Variants in RHBDD1 observed in about 807,000 individuals in gnomAD.
RHBDD1 encodes the protein rhomboid domain containing 1, also known as rhomboid-related protein 4.
In RHBDD1, 38 loss-of-function variants were observed where a neutral mutation model predicts 36.3. The ratio of observed to expected loss-of-function variants is 1.05; its 90% CI spans 0.81 to 1.37. The LOEUF (loss-of-function observed/expected upper bound fraction) is 1.37. RHBDD1 is among the 40% of genes most tolerant of loss of function. The probability of loss-of-function intolerance (pLI) is 0.00; values close to 1 mark genes in which losing one functional copy is unlikely to be tolerated. For synonymous variants in RHBDD1, 151 were observed against 136.5 expected (o/e 1.11, Z -0.74); for missense variants, 393 against 377.6 (o/e 1.04, Z -0.34).
chr2:226,976,456 G>T (rs919125503), intron 8 of RHBDD1, among the ~76,000 whole-genome samples: 2 of 151,928 alleles, frequency 1.3e-5, no homozygotes, highest in Non-Finnish European at 2.9e-5. Context: ...AAATGTGTGA[G>T]CTTTACCCAC....
At chr2:226,959,961 T>C (rs934476945) in intron 8 of RHBDD1, among the ~76,000 whole-genome samples, 1 of 152,192 alleles carries the variant, frequency 6.6e-6, no homozygotes, top group Non-Finnish European at 1.5e-5. Flanking sequence ...TAGCTGGGAC[T>C]ACAGGCACCT....
intron 6 of RHBDD1, 168 bp from the exon 7 acceptor site, chr2:226,908,654 T>A: frequency 3.5e-6 from 2 of 577,630 alleles, no homozygotes; most frequent in Non-Finnish European, 6.3e-6. Flanking sequence ...CACACACTCT[T>A]TTCCAGTTAG....
chr2:226,877,032 C>T (rs1945293407), intron 5 of RHBDD1, among the ~76,000 whole-genome samples: 1 of 152,112 alleles, frequency 6.6e-6, no homozygotes, highest in African/African-American at 2.4e-5. Flanking sequence ...TCAGTTTGGC[C>T]TCATACAGGT....
intron 5 of RHBDD1, among the ~76,000 whole-genome samples, chr2:226,879,065 G>A (rs1287119617): frequency 7.3e-6 from 1 of 136,338 alleles, no homozygotes; most frequent in African/African-American, 3.1e-5. Flanking sequence ...TGTCACAACT[G>A]GCATTCCAAA....
chr2:226,914,066 T>G (rs1458539555), intron 7 of RHBDD1, 142 bp from the exon 8 acceptor site: 6 of 701,618 alleles, frequency 8.6e-6, no homozygotes, highest in Non-Finnish European at 1.2e-5. Flanking sequence ...AATCACCATT[T>G]GGCATCTTTT....
chr2:226,869,167 G>A lies in RHBDD1; in HGVS notation c.566+1849G>A, dbSNP rs138862895. On this transcript the variant is annotated intron_variant, in intron 5 of 8. Coordinates refer to ENST00000392062, the MANE Select transcript of RHBDD1 (RefSeq NM_001167608.3). The stretch of plus-strand genomic sequence containing the variant: ...GGTTCCCCCCAACTTACATGGAAAA[G>A]GGATGGTTGCATTTCTGTGTCATAT... 4.6e-4 allele frequency: 458 copies of A among 985,244 alleles called. 5 individuals are homozygous for A. The African/African-American group carries it at 7.4e-3, about 16-fold the overall frequency. 61.0% of individuals were successfully genotyped at this position (985,244 alleles called of 1,614,324 possible).
chr2:226,992,634 AC>A (rs1318315990), intron 8 of RHBDD1, among the ~76,000 whole-genome samples: 1 of 152,220 alleles, frequency 6.6e-6, no homozygotes, highest in Non-Finnish European at 1.5e-5. Context: ...GCAGAGTCCC[AC>A]AGAATTGAGA....
the RHBDD1 span, among the ~76,000 whole-genome samples, chr2:226,820,555 C>A: frequency 4.0e-5 from 6 of 149,230 alleles, no homozygotes; most frequent in African/African-American, 1.5e-4. Flanking sequence ...TGCCTGTAAT[C>A]CCAAAACTTT....
At chr2:226,896,866 C>A (rs66959645) in intron 5 of RHBDD1, among the ~76,000 whole-genome samples, 73,380 of 151,738 alleles carry the variant, frequency 0.48, 18,654 homozygotes, top group African/African-American at 0.65. Context: ...ATAGTGGCAC[C>A]ATCTCGGCTC....
In RHBDD1 at chr2:226,891,340, A is replaced by C. The variant is rs554394356; in HGVS notation, c.567-15453A>C. Among the ~76,000 whole-genome samples, 3 of 152,336 alleles carry C rather than the reference A, an allele frequency of 2.0e-5. No homozygotes were observed. The East Asian group carries it at 5.8e-4, about 29-fold the overall frequency. ...TCGTTGCCACTTGACTCTCTCCCTA[A>C]GGCAGCTCACAATGTGGTACCTTCC... is the stretch of plus-strand genomic sequence containing the variant. On this transcript the variant is annotated intron_variant, in intron 5 of 8. Coordinates refer to ENST00000392062, the MANE Select transcript of RHBDD1 (RefSeq NM_001167608.3).
chr2:226,825,535 A>G, the RHBDD1 span, among the ~76,000 whole-genome samples: 2 of 152,246 alleles, frequency 1.3e-5, no homozygotes, highest in South Asian at 2.1e-4. Context: ...CTAAAATAGA[A>G]AAATGTAGAA....
At position 226,867,268 on chromosome 2, in the gene RHBDD1, C is replaced by A. The variant is rs1354596138; in HGVS notation, c.516C>A (p.Asn172Lys). The A allele has an allele frequency of 6.2e-7, 1 of 1,613,614 alleles. No individual in the cohort carries two copies. The highest frequency in any genetic ancestry group is 1.3e-5 in the African/African-American group (1 of 74,902). Residue 172 changes from asparagine to lysine, a missense_variant, in exon 5 of 9, where the codon AAC becomes AAA. Transcript: ENST00000392062. ...ACATTTTGGGCTTTCCTGTACCGAA[C>A]AGATTTGCTTGTTGGGTCGAACTTG... ...FVNILGFPVP[N>K]RFACWVELVA...
intron 5 of RHBDD1, among the ~76,000 whole-genome samples, chr2:226,870,807 A>C (rs1210982511): frequency 6.6e-6 from 1 of 152,200 alleles, no homozygotes; most frequent in Admixed American, 6.5e-5. Flanking sequence ...TGTATGCACT[A>C]TTTGTTAAGT....
rs1007955389 is a variant in RHBDD1, at chr2:226,865,140, A to C, written c.433+14A>C. 4 of 1,585,616 alleles carry C rather than the reference A, an allele frequency of 2.5e-6. No homozygotes were observed. In the South Asian group the frequency reaches 4.6e-5, roughly 18 times the overall value. On this transcript the variant is annotated intron_variant, in intron 4 of 8. Transcript: ENST00000392062. Reference sequence around the variant, plus strand: ...TAGGTTTCTCAGGTAAGGGAGACAAAATTTTGAGGTTGCATGCATAAAGGA... The same window carrying C: ...TAGGTTTCTCAGGTAAGGGAGACAACATTTTGAGGTTGCATGCATAAAGGA...
In RHBDD1 at chr2:226,873,699, G is replaced by C. The variant is rs150357397; in HGVS notation, c.566+6381G>C. 2.1e-3 allele frequency among the ~76,000 whole-genome samples: 318 copies of C among 152,308 alleles called. 4 individuals are homozygous for C. Among genetic ancestry groups the C allele is most frequent in the African/African-American group, 7.3e-3 (305 of 41,566 alleles). On this transcript the variant is annotated intron_variant, in intron 5 of 8. Coordinates refer to ENST00000392062, the MANE Select transcript of RHBDD1 (RefSeq NM_001167608.3). ...AGTTTGAAAACGGAGAAAGCTGTGA[G>C]AATAGAAATTGGTAGTCAGAGGAGA...
chr2:226,821,957 G>A, the RHBDD1 span, among the ~76,000 whole-genome samples: 3 of 152,026 alleles, frequency 2.0e-5, no homozygotes, highest in Admixed American at 6.6e-5. Context: ...GTGTTATTAT[G>A]TCATCTTATA....
intron 8 of RHBDD1, among the ~76,000 whole-genome samples, chr2:226,949,802 G>T (rs1348663094): frequency 6.6e-6 from 1 of 152,032 alleles, no homozygotes; most frequent in Non-Finnish European, 1.5e-5. Context: ...CCTTTCCCCC[G>T]TGTCCTCCCA....
At chr2:226,832,238 C>G (rs1940761411), upstream of RHBDD1, among the ~76,000 whole-genome samples, 1 of 152,166 alleles carries the variant, frequency 6.6e-6, no homozygotes, top group African/African-American at 2.4e-5. Context: ...TCCTTTAGTA[C>G]TTCTTCCTTG....
At position 226,998,541 on chromosome 2, in the gene RHBDD1, C is replaced by G. The variant is rs974061933; in HGVS notation, c.*3019C>G. ...ATATATATATAACTTCTTCCTTTCC[C>G]TTCCCATGAATCATTGCAGTCATTC... On this transcript the variant is annotated 3_prime_UTR_variant, in exon 9 of 9. Coordinates refer to ENST00000392062, the MANE Select transcript of RHBDD1 (RefSeq NM_001167608.3). 6.6e-6 allele frequency: 1 copy of G among 152,150 alleles called. No individual in the cohort carries two copies. Among genetic ancestry groups the G allele is most frequent in the African/African-American group, 2.4e-5 (1 of 41,428 alleles). 9.4% of individuals were successfully genotyped at this position (152,150 alleles called of 1,614,324 possible). A position where few individuals can be genotyped will look rare whatever the true frequency, so the allele number is the denominator to read the frequency against.
Sources: gnomAD v4.1 joint callset for allele counts (sites outside exome capture counted in the v4.1 genomes callset) on GRCh38, gnomAD v4.1.1 for gene constraint, MANE v1.5 for transcripts, NCBI Gene and HGNC (gene_info 2026-07-23, HGNC 2026-07-21) for gene names.